PPP4R3A: variants seen among roughly 807,000 people sequenced by gnomAD.
The protein encoded by PPP4R3A is protein phosphatase 4 regulatory subunit 3A.
In PPP4R3A, 15 loss-of-function variants were observed where a neutral mutation model predicts 91.7. The observed-to-expected ratio is 0.16, with a 90% CI of 0.11 to 0.25. PPP4R3A has a LOEUF of 0.25. Ranked by LOEUF, PPP4R3A falls within the 10% of genes least tolerant of loss-of-function variation. The pLI, the probability that PPP4R3A is intolerant of heterozygous loss-of-function variation, is 1.00. For missense variants in PPP4R3A, 623 were observed against 998.4 expected (o/e 0.62, Z 5.07); for synonymous variants, 377 against 348.7 (o/e 1.08, Z -0.91).
Position 91,461,424 on chromosome 14 carries a change from G to C in PPP4R3A, c.2348C>G (p.Ser783Cys). 6.2e-7 allele frequency: 1 copy of C among 1,613,968 alleles called. No individual in the cohort carries two copies. Among genetic ancestry groups the C allele is most frequent in the Non-Finnish European group, 8.5e-7 (1 of 1,179,848 alleles). ...GSPGSPGSPGSVPKNTSQTAA... is the reference protein window; with the variant it reads ...GSPGSPGSPGCVPKNTSQTAA... The stretch of plus-strand genomic sequence containing the variant: ...CGTCTGAGATGTATTTTTAGGTACG[G>C]ATCCAGGAGAGCCTGGAGATCCTGG... Residue 783 changes from serine (S) to cysteine (C), a missense_variant, in exon 14 of 15, where the codon TCC becomes TGC. Physicochemically the swap from Ser to Cys is moderately radical, Grantham distance 112 (BLOSUM62 -1). Transcript: ENST00000554943.
chr14:91,484,677 G>A (rs1421381274), intron 3 of PPP4R3A, among the ~76,000 whole-genome samples: 1 of 152,156 alleles, frequency 6.6e-6, no homozygotes, highest in Non-Finnish European at 1.5e-5. Flanking sequence ...TGGGGTCGGC[G>A]GGAGGGGTGC....
chr14:91,503,330 GCCAGGC>G (rs1891076199), intron 1 of PPP4R3A, among the ~76,000 whole-genome samples: 1 of 151,070 alleles, frequency 6.6e-6, no homozygotes. Context: ...TGCTTCATCA[GCCAGGC>G]TGGAGTAGTG....
chr14:91,481,903 G>A lies in PPP4R3A; in HGVS notation c.588C>T (p.Ile196=). 6.2e-7 allele frequency: 1 copy of A among 1,614,016 alleles called. No individual in the cohort carries two copies. Among genetic ancestry groups the A allele is most frequent in the Non-Finnish European group, 8.5e-7 (1 of 1,179,998 alleles). ...TTCGATTCAAGAGAAAGATGCCTTT[G>A]ATAATTTCATACAAGTGGTGCAGTC... The part of the protein sequence containing the change: ...IEGLHHLYEI[I]KGIFLLNRTA... The change falls in exon 4 of 15, where the codon ATC becomes ATT. Residue 196 remains isoleucine, a synonymous_variant. Transcript: ENST00000554943.
chr14:91,481,594 C>T lies in PPP4R3A; in HGVS notation c.897G>A (p.Glu299=), dbSNP rs1324114009. The change falls in exon 4 of 15, where the codon GAG becomes GAA. Residue 299 remains glutamate (E), a synonymous_variant. Coordinates refer to ENST00000554943, the MANE Select transcript of PPP4R3A (RefSeq NM_001366432.2). The part of the protein sequence containing the change: ...LHSFIFFNKV[E]IVGMLQEDEK... ...AACTCACCTGCAACATGCCAACAAT[C>T]TCTACCTTATTGAAAAAGATAAAAG... 2 of 1,576,140 alleles carry T rather than the reference C, an allele frequency of 1.3e-6. No individual in the cohort carries two copies. Among genetic ancestry groups the T allele is most frequent in the East Asian group, 2.2e-5 (1 of 44,538 alleles).
chr14:91,492,537 A>G (rs1244135097), intron 1 of PPP4R3A, among the ~76,000 whole-genome samples: 3 of 152,226 alleles, frequency 2.0e-5, no homozygotes, highest in Non-Finnish European at 4.4e-5. Context: ...CAATTTGTAT[A>G]TGTCTTATGC....
rs140163243 is a variant in PPP4R3A at position 91,466,064 on chromosome 14, ATAAT to A, written c.1661-649_1661-646del. Among the ~76,000 whole-genome samples, 636 of 152,260 alleles carry A rather than the reference ATAAT, an allele frequency of 4.2e-3. 4 individuals carry two copies. Among genetic ancestry groups the A allele is most frequent in the African/African-American group, 0.014 (575 of 41,534 alleles). On this transcript the variant is annotated intron_variant, in intron 10 of 14. Transcript: ENST00000554943. Reference sequence around the variant, plus strand: ...TAATTTTTTTCTAGTTTTCATTTTCATAATTAATTAGGCTTTAACTTACAGATTA... The same window carrying A: ...TAATTTTTTTCTAGTTTTCATTTTCATAATTAGGCTTTAACTTACAGATTA...
In PPP4R3A at chr14:91,469,035, T is replaced by C. The variant is rs548779532; in HGVS notation, c.1660+1802A>G. ...CACCAGATATAAGATAGTAATCAAA[T>C]CTAAGATGCCACTGACTAAGCTACC... On this transcript the variant is annotated intron_variant, in intron 10 of 14. Coordinates refer to ENST00000554943, the MANE Select transcript of PPP4R3A (RefSeq NM_001366432.2). 5.4e-5 allele frequency among the ~76,000 whole-genome samples: 8 copies of C among 149,152 alleles called. No individual in the cohort carries two copies. The East Asian group carries it at 1.4e-3, about 26-fold the overall frequency.
Position 91,473,296 on chromosome 14 carries a change from C to T in PPP4R3A, c.1341G>A (p.Gln447=). 1 of 1,614,112 alleles carries T rather than the reference C, an allele frequency of 6.2e-7. No homozygotes were observed. The highest frequency in any genetic ancestry group is 8.5e-7 in the Non-Finnish European group (1 of 1,180,006). Residue 447 remains glutamine (Q), a synonymous_variant, in exon 8 of 15, where the codon CAG becomes CAA. Transcript: ENST00000554943. ...CTAAAGTTCGAAGCAGGCCCATAAG[C>T]TGGACTGCTCCTCCAAGTTCAGGAT... ...DTDPELGGAV[Q]LMGLLRTLVD...
At chr14:91,467,252 A>C (rs1033276383) in intron 10 of PPP4R3A, among the ~76,000 whole-genome samples, 11 of 152,222 alleles carry the variant, frequency 7.2e-5, no homozygotes, top group South Asian at 6.2e-4. Context: ...TTGAGTAAAA[A>C]GCTGCTTTCA....
intron 4 of PPP4R3A, among the ~76,000 whole-genome samples, chr14:91,479,293 C>CGT (rs3029507): frequency 0.34 from 49,639 of 143,912 alleles, 9,108 homozygotes; most frequent in Non-Finnish European, 0.42. Flanking sequence ...TAAAAAACAA[C>CGT]GTGTGTGTGT....
At chr14:91,467,720 AT>A (rs1328303973) in intron 10 of PPP4R3A, among the ~76,000 whole-genome samples, 1 of 152,210 alleles carries the variant, frequency 6.6e-6, no homozygotes, top group Non-Finnish European at 1.5e-5. Context: ...TTTAGAAACG[AT>A]TGCTAGACAC....
At chr14:91,498,624 A>G (rs543336752) in intron 1 of PPP4R3A, among the ~76,000 whole-genome samples, 1 of 152,036 alleles carries the variant, frequency 6.6e-6, no homozygotes, top group East Asian at 1.9e-4. Flanking sequence ...AAGCCTGGCT[A>G]ATTTTTTTGG....
At chr14:91,506,315 A>C (rs538894624) in intron 1 of PPP4R3A, among the ~76,000 whole-genome samples, 61 of 152,342 alleles carry the variant, frequency 4.0e-4, no homozygotes, top group Admixed American at 1.5e-3. Context: ...ATAAAGCAGC[A>C]AATGCAAGTA....
At chr14:91,472,999 C>G in intron 9 of PPP4R3A, 34 bp downstream of exon 9, 7 of 1,591,674 alleles carry the variant, frequency 4.4e-6, no homozygotes, top group Non-Finnish European at 6.0e-6. Flanking sequence ...CATTCAAGAA[C>G]AGAGAACTTA....
intron 10 of PPP4R3A, among the ~76,000 whole-genome samples, chr14:91,467,566 CTTT>C (rs999055249): frequency 1.5e-5 from 2 of 137,768 alleles, no homozygotes; most frequent in African/African-American, 2.8e-5. Flanking sequence ...TATTTCACTC[CTTT>C]TTAAGATTTC....
At chr14:91,476,551 T>A in intron 5 of PPP4R3A, 27 bp from the exon 6 acceptor site, 1 of 1,428,772 alleles carries the variant, frequency 7.0e-7, no homozygotes, top group Non-Finnish European at 9.7e-7. Context: ...GGATAAGTGA[T>A]ATAAAAAGTT....
rs539033053 is a variant in PPP4R3A at position 91,457,569 on chromosome 14, G to C, written c.*1190C>G. 1 of 152,474 alleles carries C rather than the reference G, an allele frequency of 6.6e-6. No individual in the cohort carries two copies. The highest frequency in any genetic ancestry group is 1.5e-5 in the Non-Finnish European group (1 of 67,988). 9.4% of individuals were successfully genotyped at this position (152,474 alleles called of 1,614,324 possible). A position where few individuals can be genotyped will look rare whatever the true frequency, so the allele number is the denominator to read the frequency against. Reference sequence around the variant, plus strand: ...ACAAGTCAAACTGGTATTCCAAAGGGAGTAGTTAAAAACAAAAACAAGAAA... The same window carrying C: ...ACAAGTCAAACTGGTATTCCAAAGGCAGTAGTTAAAAACAAAAACAAGAAA... On this transcript the variant is annotated 3_prime_UTR_variant, in exon 15 of 15. Transcript: ENST00000554943.
Position 91,481,657 on chromosome 14 carries a change from A to G in PPP4R3A, c.834T>C (p.Pro278=). 1 of 1,610,704 alleles carries G rather than the reference A, an allele frequency of 6.2e-7. No homozygotes were observed. The highest frequency in any genetic ancestry group is 8.5e-7 in the Non-Finnish European group (1 of 1,179,234). The change falls in exon 4 of 15, where the codon CCT becomes CCC. Residue 278 remains proline (P), a synonymous_variant. Transcript: ENST00000554943. ...ATAACATGTTTTCTTCAAAGACCGA[A>G]GGAGTTGGTAGAACCATATCTTGTA... ...QYIQDMVLPT[P]SVFEENMLST...
rs147540152 is a variant in PPP4R3A, at chr14:91,509,558, G to A, written c.90C>T (p.Gly30=). 14 of 1,601,610 alleles carry A rather than the reference G, an allele frequency of 8.7e-6. No individual in the cohort carries two copies. Among genetic ancestry groups the A allele is most frequent in the Admixed American group, 5.0e-5 (3 of 59,744 alleles). Reference sequence around the variant, plus strand: ...ACATGCCCTTCAGCCGCTCCACGTAGCCAGACGACACATGCCCGGTGCCCC... The same window carrying A: ...ACATGCCCTTCAGCCGCTCCACGTAACCAGACGACACATGCCCGGTGCCCC... ...DDRGTGHVSS[G]YVERLKGMSL... Residue 30 remains glycine (G), a synonymous_variant, in exon 1 of 15, where the codon GGC becomes GGT. Coordinates refer to ENST00000554943, the MANE Select transcript of PPP4R3A (RefSeq NM_001366432.2).
Sources: allele counts gnomAD v4.1 joint callset (sites outside exome capture counted in the v4.1 genomes callset), GRCh38; gene constraint gnomAD v4.1.1; transcripts MANE v1.5; gene names NCBI Gene and HGNC (gene_info 2026-07-23, HGNC 2026-07-21).